The following AGMO variants were observed in gnomAD, a reference collection of about 807,000 sequenced individuals.
AGMO encodes the protein alkylglycerol monooxygenase, also known as glyceryl-ether monooxygenase.
Under a neutral mutation model 60.2 loss-of-function variants are expected in AGMO, and 75 were observed. The observed-to-expected ratio is 1.25, with a 90% CI of 1.03 to 1.51. The LOEUF is 1.51. AGMO is among the 40% of genes most tolerant of loss of function. The pLI is 0.00. For missense variants in AGMO, 763 were observed against 525.5 expected, an observed-to-expected ratio of 1.45 and a Z score of -4.42; for synonymous variants, 261 against 177.1, an observed-to-expected ratio of 1.47 and a Z score of -3.76.
intron 4 of AGMO, among the ~76,000 whole-genome samples, chr7:15,426,826 G>A (rs1781078290): frequency 6.6e-6 from 1 of 152,078 alleles, no homozygotes; most frequent in Non-Finnish European, 1.5e-5. Context: ...GTAATGGCAT[G>A]TGCAAAGAAA....
At chr7:15,367,838 C>G (rs1783045867) in intron 10 of AGMO, among the ~76,000 whole-genome samples, 2 of 152,064 alleles carry the variant, frequency 1.3e-5, no homozygotes, top group Admixed American at 6.6e-5. Context: ...AGCACTCTTT[C>G]CTTTGTTTCC....
At chr7:15,182,911 C>T in the AGMO span, among the ~76,000 whole-genome samples, 2 of 151,992 alleles carry the variant, frequency 1.3e-5, no homozygotes, top group Non-Finnish European at 2.9e-5. Context: ...TAAGGCCATA[C>T]AGGAGGAAGA....
chr7:15,214,729 T>C (rs1311103924), intron 12 of AGMO, among the ~76,000 whole-genome samples: 5 of 152,178 alleles, frequency 3.3e-5, no homozygotes, highest in African/African-American at 1.2e-4. Flanking sequence ...TTTTAAAGGA[T>C]GTGGTTGCTT....
chr7:15,223,602 C>A (rs1781986324), intron 12 of AGMO, among the ~76,000 whole-genome samples: 1 of 151,784 alleles, frequency 6.6e-6, no homozygotes, highest in Non-Finnish European at 1.5e-5. Flanking sequence ...CTAGACAGGA[C>A]AGAATTTACA....
the AGMO span, among the ~76,000 whole-genome samples, chr7:15,137,609 C>T: frequency 1.3e-5 from 2 of 152,020 alleles, no homozygotes; most frequent in Admixed American, 1.3e-4. Context: ...GACCAGCATA[C>T]AAACCAAAGA....
At chr7:15,419,404 G>A (rs1780866880) in intron 4 of AGMO, among the ~76,000 whole-genome samples, 2 of 152,074 alleles carry the variant, frequency 1.3e-5, no homozygotes, top group East Asian at 1.9e-4. Context: ...TTTATTAAAT[G>A]AGAGACTAAA....
At chr7:15,299,509 T>A (rs867833087) in intron 12 of AGMO, among the ~76,000 whole-genome samples, 3 of 152,128 alleles carry the variant, frequency 2.0e-5, no homozygotes, top group African/African-American at 7.2e-5. Flanking sequence ...TAAGGGCTAA[T>A]GCTGTGTTTC....
intron 3 of AGMO, among the ~76,000 whole-genome samples, chr7:15,509,371 C>CAAA (rs56841825): frequency 2.6e-4 from 38 of 145,774 alleles, no homozygotes; most frequent in African/African-American, 9.0e-4. Flanking sequence ...GACCCACATG[C>CAAA]AAAAAAAAAA....
intron 12 of AGMO, among the ~76,000 whole-genome samples, chr7:15,349,404 G>A (rs1782151163): frequency 6.6e-6 from 1 of 151,992 alleles, no homozygotes; most frequent in Non-Finnish European, 1.5e-5. Flanking sequence ...TTTTTAGATT[G>A]ACTTTATAGG....
At chr7:15,558,232 G>T (rs1265908434) in intron 2 of AGMO, among the ~76,000 whole-genome samples, 3 of 150,618 alleles carry the variant, frequency 2.0e-5, no homozygotes, top group Admixed American at 2.0e-4. Context: ...AACTTTAAAA[G>T]GTAAAAAAAA....
intron 12 of AGMO, among the ~76,000 whole-genome samples, chr7:15,320,201 C>T (rs1351399866): frequency 1.3e-5 from 2 of 151,822 alleles, no homozygotes; most frequent in African/African-American, 4.8e-5. Context: ...CCACGGCACA[C>T]GTATACATAT....
intron 3 of AGMO, among the ~76,000 whole-genome samples, chr7:15,483,098 ATACTGT>A (rs1583598825): frequency 6.6e-6 from 1 of 152,358 alleles, no homozygotes; most frequent in East Asian, 1.9e-4. Flanking sequence ...GAAGAAAATA[ATACTGT>A]TACTGTAGCA....
At chr7:15,387,731 G>T (rs1783975487) in intron 8 of AGMO, among the ~76,000 whole-genome samples, 191 bp from the exon 9 acceptor site, 2 of 152,022 alleles carry the variant, frequency 1.3e-5, no homozygotes, top group African/African-American at 4.8e-5. Flanking sequence ...ACCATTAAGT[G>T]CGTTGTTGTC....
chr7:15,508,582 C>A (rs926048903), intron 3 of AGMO, among the ~76,000 whole-genome samples: 1 of 151,900 alleles, frequency 6.6e-6, no homozygotes, highest in Non-Finnish European at 1.5e-5. Context: ...ATGACAACAC[C>A]AATTGAATTC....
intron 3 of AGMO, among the ~76,000 whole-genome samples, chr7:15,513,079 T>C (rs77074465): frequency 0.012 from 1,885 of 152,324 alleles, 38 homozygotes; most frequent in African/African-American, 0.043. Context: ...TGTTTCATAA[T>C]CTGTGTCTGA....
chr7:15,501,338 A>C (rs1271811693), intron 3 of AGMO, among the ~76,000 whole-genome samples: 2 of 152,174 alleles, frequency 1.3e-5, no homozygotes, highest in African/African-American at 4.8e-5. Context: ...GGTTGCCTTC[A>C]TAATATTTTA....
chr7:15,474,879 C>T lies in AGMO; in HGVS notation c.410-43771G>A, dbSNP rs115790837. Among the ~76,000 whole-genome samples, 1,319 of 152,048 alleles carry T rather than the reference C, an allele frequency of 8.7e-3. 20 individuals carry two copies. Among genetic ancestry groups the T allele is most frequent in the African/African-American group, 0.026 (1,061 of 41,470 alleles). ...AAAAACAACCCCATCAACAAGTGGG[C>T]GAAGAATATGGACAGACACGTCTCA... On this transcript the variant is annotated intron_variant, in intron 3 of 12. Coordinates refer to ENST00000342526, the MANE Select transcript of AGMO (RefSeq NM_001004320.2).
At chr7:15,320,308 C>A (rs1424564054) in intron 12 of AGMO, among the ~76,000 whole-genome samples, 1 of 151,394 alleles carries the variant, frequency 6.6e-6, no homozygotes, top group Non-Finnish European at 1.5e-5. Context: ...ATAATGTATC[C>A]TAATGCAACT....
At position 15,264,721 on chromosome 7, in the gene AGMO, C is replaced by T. The variant is rs149504709; in HGVS notation, c.1264-63362G>A. Among the ~76,000 whole-genome samples the T allele has an allele frequency of 3.9e-5, 6 of 152,118 alleles. No homozygotes were observed. The East Asian group carries it at 1.2e-3, about 29-fold the overall frequency. On this transcript the variant is annotated intron_variant, in intron 12 of 12. Transcript: ENST00000342526. ...ATGATTAGAGAAATGCAAATCAAAG[C>T]CACAGTGAAATACCATCTCATACCA...
Sources: allele counts gnomAD v4.1 joint callset (sites outside exome capture counted in the v4.1 genomes callset), GRCh38; gene constraint gnomAD v4.1.1; transcripts MANE v1.5; gene names NCBI Gene and HGNC (gene_info 2026-07-23, HGNC 2026-07-21).